The following MAP4K4 variants were observed in gnomAD, a reference collection of about 807,000 sequenced individuals.
MAP4K4 encodes the protein HPK/GCK-like kinase HGK.
A neutral mutation model predicts 189.6 loss-of-function variants in MAP4K4; 38 were observed. The observed-to-expected ratio is 0.20, with a 90% CI of 0.15 to 0.26. MAP4K4 has a LOEUF of 0.26. Ranked by LOEUF, MAP4K4 falls within the 10% of genes least tolerant of loss-of-function variation. The pLI is 1.00. For missense variants in MAP4K4, 1,054 were observed against 1,726.9 expected, an observed-to-expected ratio of 0.61 and a Z score of 6.91; for synonymous variants, 610 against 624.3, an observed-to-expected ratio of 0.98 and a Z score of 0.34.
At chr2:101,719,310 T>A (rs2050326970) in intron 2 of MAP4K4, among the ~76,000 whole-genome samples, 2 of 152,200 alleles carry the variant, frequency 1.3e-5, no homozygotes, top group Non-Finnish European at 2.9e-5. Context: ...CAAATTCCAT[T>A]TCAGTTTGTA....
chr2:101,769,986 A>G (rs17026041), intron 2 of MAP4K4, among the ~76,000 whole-genome samples: 9,618 of 152,214 alleles, frequency 0.063, 819 homozygotes, highest in African/African-American at 0.19. Flanking sequence ...AACAGCTGAG[A>G]TATATCAGTG....
intron 18 of MAP4K4, 32 bp downstream of exon 18, chr2:101,865,068 T>G (rs1419707663): frequency 1.5e-6 from 2 of 1,303,798 alleles, no homozygotes; most frequent in Middle Eastern, 3.7e-4. Context: ...AGAACAGGCC[T>G]TCTGTGCAGT....
rs533148561 is a variant in MAP4K4, at chr2:101,795,415, G to C, written c.180+4639G>C. ...CTCTCTTTGTCTGGATATTCCTGTG[G>C]ACATGAGTGGTTTCCATCAATTACA... is the stretch of plus-strand genomic sequence containing the variant. On this transcript the variant is annotated intron_variant, in intron 3 of 32. Transcript: ENST00000324219. 2.0e-5 allele frequency among the ~76,000 whole-genome samples: 3 copies of C among 152,242 alleles called. No homozygotes were observed. The East Asian group carries it at 5.8e-4, about 29-fold the overall frequency.
intron 3 of MAP4K4, among the ~76,000 whole-genome samples, chr2:101,797,960 CTGTGCACAAGTCTAGA>C (rs1341391033): frequency 7.8e-6 from 1 of 127,668 alleles, no homozygotes; most frequent in African/African-American, 3.1e-5. Flanking sequence ...ACAAGTCTAG[CTGTGCACAAGTCTAGA>C]GTGCACGAGT....
At chr2:101,739,248 G>A (rs895365366) in intron 2 of MAP4K4, among the ~76,000 whole-genome samples, 2 of 152,168 alleles carry the variant, frequency 1.3e-5, no homozygotes, top group African/African-American at 4.8e-5. Context: ...TTTAAATGTG[G>A]ACAGTAGTTC....
Position 101,887,719 on chromosome 2 carries a change from T to G in MAP4K4, c.3772-59T>G, listed in dbSNP as rs1375444925. ...TTCACTAAGAGTCTTACTGAGCACTTGCACAGGGCTGGAAATAACCACAGA... is the reference window on the plus strand; with the variant it reads ...TTCACTAAGAGTCTTACTGAGCACTGGCACAGGGCTGGAAATAACCACAGA... On this transcript the variant is annotated intron_variant, in intron 30 of 32. Transcript: ENST00000324219. 6 of 1,418,672 alleles carry G rather than the reference T, an allele frequency of 4.2e-6. No homozygotes were observed. The Admixed American group carries it at 1.0e-4, about 24-fold the overall frequency. The allele number at this position is 1,418,672 out of a possible 1,614,324, so 87.9% of individuals were successfully genotyped here. A position where few individuals can be genotyped will look rare whatever the true frequency, so the allele number is the denominator to read the frequency against.
chr2:101,773,771 C>T (rs1044882939), intron 2 of MAP4K4, among the ~76,000 whole-genome samples: 1 of 152,184 alleles, frequency 6.6e-6, no homozygotes, highest in East Asian at 1.9e-4. Flanking sequence ...AACCATCCTT[C>T]TACTATATCT....
chr2:101,851,724 CTTTTTTTTTTTTTTTTTTT>C (rs36217584), intron 12 of MAP4K4, among the ~76,000 whole-genome samples: 20,245 of 70,102 alleles, frequency 0.29, 2,175 homozygotes, highest in Middle Eastern at 0.47. Flanking sequence ...TAACTGTCCT[CTTTTTTTTTTTTTTTTTTT>C]TTTTTTTTTT....
chr2:101,731,258 G>A (rs28770571), intron 2 of MAP4K4, among the ~76,000 whole-genome samples: 113,881 of 151,138 alleles, frequency 0.75, 43,355 homozygotes, highest in African/African-American at 0.88. Context: ...CTGGGATTAC[G>A]GGTGTGTGCC....
At chr2:101,713,619 G>T (rs1395529738) in intron 2 of MAP4K4, among the ~76,000 whole-genome samples, 1 of 147,590 alleles carries the variant, frequency 6.8e-6, no homozygotes, top group East Asian at 2.1e-4. Flanking sequence ...AAAATGCTGG[G>T]TGCGATGGCT....
chr2:101,745,972 T>TTGTG (rs5832985), intron 2 of MAP4K4, among the ~76,000 whole-genome samples: 18,728 of 146,446 alleles, frequency 0.13, 1,202 homozygotes, highest in East Asian at 0.21. Context: ...CCTGTTTCCT[T>TTGTG]TGTGTGTGTG....
intron 10 of MAP4K4, among the ~76,000 whole-genome samples, chr2:101,841,087 C>T (rs1438903003): frequency 6.6e-6 from 1 of 152,162 alleles, no homozygotes; most frequent in African/African-American, 2.4e-5. Context: ...GTTCATGGAA[C>T]ATTTGCCAGA....
rs2097633296 is a variant in MAP4K4, at chr2:101,860,931, C to G, written c.1811C>G (p.Ser604Cys). ...GTGCCTTCCCGATCAGAGTCTTTTT[C>G]CAATGGCAACTCCGAGTCTGTGCAT... The change falls in exon 16 of 33, where the codon TCC (serine) becomes TGC (cysteine). Residue 604 changes from serine (S) to cysteine (C), a missense_variant. This residue lies in a region of MAP4K4 where 646 missense variants were observed against 796.2 expected (regional missense o/e 0.81). Transcript: ENST00000324219. 3 of 1,606,070 alleles carry G rather than the reference C, an allele frequency of 1.9e-6. No individual in the cohort carries two copies. In the African/African-American group the frequency reaches 4.0e-5, roughly 21 times the overall value.
chr2:101,715,864 C>T (rs2048075593), intron 2 of MAP4K4, among the ~76,000 whole-genome samples: 1 of 152,100 alleles, frequency 6.6e-6, no homozygotes, highest in Non-Finnish European at 1.5e-5. Context: ...ATAGCCGCTC[C>T]CCATTGGTTG....
At chr2:101,745,972 T>TTGTGTGTGTGTG (rs5832985) in intron 2 of MAP4K4, among the ~76,000 whole-genome samples, 36 of 146,600 alleles carry the variant, frequency 2.5e-4, no homozygotes, top group African/African-American at 7.5e-4. Flanking sequence ...CCTGTTTCCT[T>TTGTGTGTGTGTG]TGTGTGTGTG....
exon 25 of MAP4K4, chr2:101,873,733 T>G (rs762570532): frequency 2.1e-5 from 34 of 1,611,426 alleles, no homozygotes; most frequent in Non-Finnish European, 2.7e-5. Context: ...TACAGATTTC[T>G]CCATCTAGCG....
At chr2:101,745,438 T>TA (rs10678749) in intron 2 of MAP4K4, among the ~76,000 whole-genome samples, 35,041 of 91,370 alleles carry the variant, frequency 0.38, 5,390 homozygotes, top group Non-Finnish European at 0.4. Context: ...TGCCCCCAGG[T>TA]AAAAAAAAAA....
chr2:101,720,032 G>A (rs755611593), intron 2 of MAP4K4, among the ~76,000 whole-genome samples: 14 of 152,008 alleles, frequency 9.2e-5, no homozygotes, highest in Non-Finnish European at 1.8e-4. Flanking sequence ...TCAAAAAGGG[G>A]AGAACAGTGG....
At chr2:101,866,311 T>A in intron 18 of MAP4K4, 117 bp from the exon 19 acceptor site, 1 of 863,022 alleles carries the variant, frequency 1.2e-6, no homozygotes, top group Non-Finnish European at 1.7e-6. Context: ...TTATAGACTG[T>A]TTTTTGTCTC....
Sources: allele counts gnomAD v4.1 joint callset (sites outside exome capture counted in the v4.1 genomes callset), GRCh38; gene constraint gnomAD v4.1.1; regional missense constraint gnomAD v4.1.1; transcripts MANE v1.5; gene names NCBI Gene and HGNC (gene_info 2026-07-23, HGNC 2026-07-21).